The following ARHGAP29 variants were observed in gnomAD, a reference collection of about 807,000 sequenced individuals.
The protein encoded by ARHGAP29 is rho GTPase-activating protein 29.
Under a neutral mutation model 122.6 loss-of-function variants are expected in ARHGAP29, and 43 were observed. The ratio of observed to expected loss-of-function variants is 0.35; its 90% CI spans 0.27 to 0.45. The LOEUF (loss-of-function observed/expected upper bound fraction) is 0.45. Ranked by LOEUF, ARHGAP29 falls within the 20% of genes least tolerant of loss-of-function variation. The probability of loss-of-function intolerance (pLI) is 1.00; values close to 1 mark genes in which losing one functional copy is unlikely to be tolerated. For synonymous variants in ARHGAP29, 506 were observed against 497.1 expected (o/e 1.02, Z -0.24); for missense variants, 1,303 against 1,477.2 (o/e 0.88, Z 1.93).
chr1:94,241,727 TATA>T (rs1653594366), upstream of ARHGAP29, among the ~76,000 whole-genome samples: 1 of 126,920 alleles, frequency 7.9e-6, no homozygotes, highest in Non-Finnish European at 1.7e-5. Flanking sequence ...TTATATATAA[TATA>T]TATTTATATA....
At chr1:94,270,178 C>T (rs2100731034) in intron 1 of ARHGAP29, among the ~76,000 whole-genome samples, 1 of 152,288 alleles carries the variant, frequency 6.6e-6, no homozygotes, top group East Asian at 1.9e-4. Flanking sequence ...GATACATACA[C>T]TCTAGAATGT....
In ARHGAP29 at chr1:94,189,951, A is replaced by T. The variant is rs770621151; in HGVS notation, c.1414T>A (p.Ser472Thr). 1 of 1,613,336 alleles carries T rather than the reference A, an allele frequency of 6.2e-7. No individual in the cohort carries two copies. Among genetic ancestry groups the T allele is most frequent in the Non-Finnish European group, 8.5e-7 (1 of 1,179,536 alleles). Residue 472 changes from serine (S) to threonine (T), a missense_variant, in exon 13 of 23, where the codon TCA becomes ACA. By Grantham distance (58) the Ser-to-Thr change is moderately conservative. Around this residue, in one of 3 missense-constraint regions of ARHGAP29, gnomAD observed 592 missense variants for 648.2 expected, o/e 0.91. Transcript: ENST00000260526. Reference sequence around the variant, plus strand: ...CCATCAACTTTTTCTTCTTCAGTTGAATTTGTGGCCTTGACAAATTCACTG... The same window carrying T: ...CCATCAACTTTTTCTTCTTCAGTTGTATTTGTGGCCTTGACAAATTCACTG... The part of the protein sequence containing the change: ...EYSEFVKATN[S>T]TEEEKVDGNV...
intron 1 of ARHGAP29, among the ~76,000 whole-genome samples, chr1:94,253,866 TA>T (rs1362869219): frequency 6.6e-6 from 1 of 152,214 alleles, no homozygotes; most frequent in Non-Finnish European, 1.5e-5. Flanking sequence ...CATATTTATA[TA>T]GGGGTGGCTG....
At chr1:94,222,966 C>T (rs1358583052) in intron 2 of ARHGAP29, among the ~76,000 whole-genome samples, 4 of 145,124 alleles carry the variant, frequency 2.8e-5, no homozygotes, top group Admixed American at 6.9e-5. Flanking sequence ...TTTTTTGAGA[C>T]GGAGTCTCGC....
At chr1:94,188,752 T>C (rs1167988305) in intron 15 of ARHGAP29, 85 bp downstream of exon 15, 5 of 1,133,394 alleles carry the variant, frequency 4.4e-6, no homozygotes, top group Non-Finnish European at 6.5e-6. Context: ...GAAAGTTCAC[T>C]ATAAAAACAA....
the ARHGAP29 span, among the ~76,000 whole-genome samples, chr1:94,297,951 T>C: frequency 6.6e-6 from 1 of 152,158 alleles, no homozygotes; most frequent in Admixed American, 6.5e-5. Flanking sequence ...CAGCACTACC[T>C]CCAAACTGCA....
chr1:94,197,595 A>T (rs1557853335), intron 12 of ARHGAP29, among the ~76,000 whole-genome samples: 1 of 152,188 alleles, frequency 6.6e-6, no homozygotes, highest in Admixed American at 6.5e-5. Flanking sequence ...CTGAGAGAAA[A>T]AGAAAAAATA....
At chr1:94,231,234 A>G (rs1325839899) in intron 2 of ARHGAP29, among the ~76,000 whole-genome samples, 173 bp downstream of exon 2, 1 of 152,036 alleles carries the variant, frequency 6.6e-6, no homozygotes, top group Non-Finnish European at 1.5e-5. Flanking sequence ...TTACACTATT[A>G]TCTGATTATA....
At chr1:94,305,497 C>T in the ARHGAP29 span, among the ~76,000 whole-genome samples, 1 of 152,164 alleles carries the variant, frequency 6.6e-6, no homozygotes, top group Admixed American at 6.5e-5. Context: ...GGAATTCAGA[C>T]CATTTGGGCA....
chr1:94,302,747 G>C, the ARHGAP29 span: 1 of 358,746 alleles, frequency 2.8e-6, no homozygotes, highest in Non-Finnish European at 5.5e-6. Flanking sequence ...TGTCAGTCAT[G>C]GACCTGACCT....
intron 1 of ARHGAP29, among the ~76,000 whole-genome samples, chr1:94,250,213 C>T (rs1455428809): frequency 6.6e-6 from 1 of 152,182 alleles, no homozygotes; most frequent in Non-Finnish European, 1.5e-5. Flanking sequence ...AGGTGCTCTT[C>T]CCCTCTGCCA....
At chr1:94,267,441 C>A (rs937267656) in intron 1 of ARHGAP29, among the ~76,000 whole-genome samples, 7 of 152,168 alleles carry the variant, frequency 4.6e-5, no homozygotes, top group Non-Finnish European at 7.4e-5. Context: ...ATTTTTCTTT[C>A]TCTCACTCAG....
At chr1:94,177,587 A>AT (rs563927860) in intron 22 of ARHGAP29, 25 bp downstream of exon 22, 3,648 of 1,311,270 alleles carry the variant, frequency 2.8e-3, no homozygotes, top group South Asian at 5.2e-3. Flanking sequence ...CAGCAAACAT[A>AT]TTTTTTTTTT....
chr1:94,272,348 C>T (rs1221417925), intron 1 of ARHGAP29, among the ~76,000 whole-genome samples: 1 of 152,312 alleles, frequency 6.6e-6, no homozygotes, highest in South Asian at 2.1e-4. Context: ...CTATGGGAAC[C>T]ATGGTAGAGC....
chr1:94,311,836 G>C, the ARHGAP29 span, among the ~76,000 whole-genome samples: 1 of 152,132 alleles, frequency 6.6e-6, no homozygotes, highest in Non-Finnish European at 1.5e-5. Context: ...CTCATATGCT[G>C]TCTGCCCTCC....
Position 94,181,342 on chromosome 1 carries a change from G to C in ARHGAP29, c.2248-1385C>G, listed in dbSNP as rs563240144. 3.9e-5 allele frequency among the ~76,000 whole-genome samples: 6 copies of C among 152,260 alleles called. No homozygotes were observed. The South Asian group carries it at 1.2e-3, about 32-fold the overall frequency. Reference sequence around the variant, plus strand: ...GCAGCCTCTTCCCGAGAAGTCTCAAGGTTTCTTCTCCGGGCAGTATAAAAC... The same window carrying C: ...GCAGCCTCTTCCCGAGAAGTCTCAACGTTTCTTCTCCGGGCAGTATAAAAC... On this transcript the variant is annotated intron_variant, in intron 19 of 22. Coordinates refer to ENST00000260526, the MANE Select transcript of ARHGAP29 (RefSeq NM_004815.4).
chr1:94,256,595 T>C (rs1654361648), intron 1 of ARHGAP29, among the ~76,000 whole-genome samples: 3 of 121,792 alleles, frequency 2.5e-5, no homozygotes, highest in Admixed American at 2.2e-4. Flanking sequence ...TCTCGCTCTG[T>C]CTCCCAGGCT....
At chr1:94,176,078 T>G (rs1013884604) in intron 22 of ARHGAP29, among the ~76,000 whole-genome samples, 1 of 152,092 alleles carries the variant, frequency 6.6e-6, no homozygotes, top group Non-Finnish European at 1.5e-5. Context: ...TTCCTTGCAA[T>G]TGGACTCTAG....
chr1:94,246,791 C>A (rs1184381479), intron 1 of ARHGAP29, among the ~76,000 whole-genome samples: 1 of 152,108 alleles, frequency 6.6e-6, no homozygotes. Context: ...CACAGGGGTC[C>A]GCTCTCTAGG....
Sources: allele counts gnomAD v4.1 joint callset (sites outside exome capture counted in the v4.1 genomes callset), GRCh38; gene constraint gnomAD v4.1.1; regional missense constraint gnomAD v4.1.1; transcripts MANE v1.5; gene names NCBI Gene and HGNC (gene_info 2026-07-23, HGNC 2026-07-21).